The following SPTBN1 variants were observed in gnomAD, a reference collection of about 807,000 sequenced individuals.
SPTBN1 encodes spectrin beta chain, non-erythrocytic 1.
A neutral mutation model predicts 266.4 loss-of-function variants in SPTBN1; 32 were observed. The ratio of observed to expected loss-of-function variants is 0.12; its 90% confidence interval spans 0.09 to 0.16. The LOEUF (loss-of-function observed/expected upper bound fraction) is 0.16, where lower values mean the gene tolerates loss of function less well. Ranked by LOEUF, SPTBN1 falls within the 10% of genes least tolerant of loss-of-function variation. The pLI is 1.00. For synonymous variants in SPTBN1, 1,336 were observed against 1,162.2 expected, an observed-to-expected ratio of 1.15 and a Z score of -3.04; for missense variants, 2,296 against 3,067.1, an observed-to-expected ratio of 0.75 and a Z score of 5.94.
chr2:54,640,311 GA>G (rs1456382964), intron 18 of SPTBN1, among the ~76,000 whole-genome samples: 1 of 152,068 alleles, frequency 6.6e-6, no homozygotes, highest in Non-Finnish European at 1.5e-5. Flanking sequence ...AAGGTATGGG[GA>G]ATCCAGGGGT....
chr2:54,615,767 A>G (rs1012308835), intron 4 of SPTBN1, among the ~76,000 whole-genome samples: 1 of 152,208 alleles, frequency 6.6e-6, no homozygotes. Context: ...TTAAGCCCAC[A>G]CTTGCTCTAA....
rs146395425 is a variant in SPTBN1 at position 54,540,664 on chromosome 2, A to C, written c.148+14098A>C. The C allele has an allele frequency of 2.0e-5, 3 of 152,166 alleles. No homozygotes were observed. The highest frequency in any genetic ancestry group is 4.4e-5 in the Non-Finnish European group (3 of 68,038). 9.4% of individuals were successfully genotyped at this position (152,166 alleles called of 1,614,324 possible). ...CATCTCTAAAGAAACTATCTCCCCA[A>C]GGTTGGCCTGCAGTTTGCCTGTGTT... On this transcript the variant is annotated intron_variant, in intron 2 of 35. Coordinates refer to ENST00000356805, the MANE Select transcript of SPTBN1 (RefSeq NM_003128.3). This position sits in a 1 kb window ranked among gnomAD's most constrained non-coding sequence, Gnocchi z 5.6.
intron 24 of SPTBN1, 136 bp from the exon 25 acceptor site, chr2:54,648,850 A>C: frequency 2.4e-6 from 2 of 830,806 alleles, no homozygotes; most frequent in Non-Finnish European, 3.7e-6. Context: ...TTTCATGCTA[A>C]GTGGGTTAAC....
intron 2 of SPTBN1, among the ~76,000 whole-genome samples, chr2:54,572,218 C>T (rs772170010): frequency 6.6e-6 from 1 of 152,120 alleles, no homozygotes; most frequent in Non-Finnish European, 1.5e-5. Context: ...CTTTTTCCCC[C>T]CTTTCTTTTG....
intron 2 of SPTBN1, chr2:54,557,909 C>A (rs1573407355): frequency 1.0e-6 from 1 of 985,004 alleles, no homozygotes; most frequent in East Asian, 1.1e-4. Context: ...GCCGGGCCGC[C>A]GCCGCGTGGT....
chr2:54,557,330 G>A (rs1672941063), intron 2 of SPTBN1, among the ~76,000 whole-genome samples: 1 of 151,528 alleles, frequency 6.6e-6, no homozygotes, highest in Non-Finnish European at 1.5e-5. Context: ...ATTGCTGTAG[G>A]GCTCCAAACT....
chr2:54,545,724 A>G (rs1484416838), intron 2 of SPTBN1, among the ~76,000 whole-genome samples: 1 of 151,092 alleles, frequency 6.6e-6, no homozygotes, highest in Non-Finnish European at 1.5e-5. Flanking sequence ...ACTTTAGAGA[A>G]CTCCATCTAG....
chr2:54,537,466 A>G (rs117954422), intron 2 of SPTBN1, among the ~76,000 whole-genome samples: 1 of 152,344 alleles, frequency 6.6e-6, no homozygotes, highest in East Asian at 1.9e-4. Flanking sequence ...ATATGTACAG[A>G]ACACATCAGC....
At chr2:54,559,513 T>C (rs1673132525) in intron 2 of SPTBN1, among the ~76,000 whole-genome samples, 1 of 152,232 alleles carries the variant, frequency 6.6e-6, no homozygotes, top group Admixed American at 6.5e-5. Context: ...ATTACAGGTT[T>C]CTTGGAGTCT....
rs1673732262 is a variant in SPTBN1, at chr2:54,567,344, T to C, written c.149-31748T>C. Among the ~76,000 whole-genome samples the C allele has an allele frequency of 4.0e-5, 6 of 151,848 alleles. No individual in the cohort carries two copies. The South Asian group carries it at 1.2e-3, about 31-fold the overall frequency. On this transcript the variant is annotated intron_variant, in intron 2 of 35. Transcript: ENST00000356805. ...TACTGGAGGATTTTTATTTTATTTATTTATTTATTTATTTTTGGAAACAGG... is the reference window on the plus strand; with the variant it reads ...TACTGGAGGATTTTTATTTTATTTACTTATTTATTTATTTTTGGAAACAGG...
chr2:54,631,703 C>A, intron 16 of SPTBN1, 92 bp downstream of exon 16: 2 of 1,457,132 alleles, frequency 1.4e-6, no homozygotes, highest in Non-Finnish European at 1.8e-6. Flanking sequence ...GTTTAAACCA[C>A]ACCTGTATGG....
chr2:54,633,006 C>G (rs1274403479), intron 17 of SPTBN1, among the ~76,000 whole-genome samples: 2 of 152,150 alleles, frequency 1.3e-5, no homozygotes, highest in Non-Finnish European at 2.9e-5. Flanking sequence ...GCCTGAGAAG[C>G]CAAGCTAATT....
rs181331981 is a variant in SPTBN1, at chr2:54,467,742, T to C, written c.-48+11224T>C. Among the ~76,000 whole-genome samples the C allele has an allele frequency of 5.5e-3, 839 of 152,290 alleles. 6 individuals are homozygous for C. Among genetic ancestry groups the C allele is most frequent in the Non-Finnish European group, 0.01 (699 of 68,028 alleles). On this transcript the variant is annotated intron_variant, in intron 1 of 35. Coordinates refer to ENST00000356805, the MANE Select transcript of SPTBN1 (RefSeq NM_003128.3). Reference sequence around the variant, plus strand: ...AAAAATTAAAATAGTCTTTGTATTTTTACCACCTTAGAATCCCTGATTTTT... The same window carrying C: ...AAAAATTAAAATAGTCTTTGTATTTCTACCACCTTAGAATCCCTGATTTTT...
chr2:54,600,400 A>C (rs975872692), intron 3 of SPTBN1, among the ~76,000 whole-genome samples: 2 of 152,088 alleles, frequency 1.3e-5, no homozygotes, highest in African/African-American at 4.8e-5. Context: ...TTGTGGCCTC[A>C]TTTTCTGTGA....
At chr2:54,470,245 T>C (rs891540059) in intron 1 of SPTBN1, among the ~76,000 whole-genome samples, 3 of 126,620 alleles carry the variant, frequency 2.4e-5, no homozygotes, top group Non-Finnish European at 4.7e-5. Flanking sequence ...GAATTTTTTA[T>C]ATATATTTTT....
chr2:54,477,385 G>T (rs541599899), intron 1 of SPTBN1, among the ~76,000 whole-genome samples: 2 of 150,630 alleles, frequency 1.3e-5, no homozygotes, highest in East Asian at 3.9e-4. Context: ...CAGACTTTCG[G>T]ATTTGTGGCA....
At chr2:54,650,162 T>A (rs574554943) in intron 26 of SPTBN1, among the ~76,000 whole-genome samples, 173 bp downstream of exon 26, 14 of 152,356 alleles carry the variant, frequency 9.2e-5, no homozygotes, top group African/African-American at 3.4e-4. Context: ...TATCAGTCCA[T>A]AAAGGTCTAC....
intron 2 of SPTBN1, among the ~76,000 whole-genome samples, chr2:54,555,099 C>G (rs1218534276): frequency 1.3e-5 from 2 of 152,132 alleles, no homozygotes; most frequent in African/African-American, 4.8e-5. Context: ...GAGTCTCTCT[C>G]CTTAGATTTT....
chr2:54,483,992 C>T (rs1445968460), intron 1 of SPTBN1, among the ~76,000 whole-genome samples: 6 of 151,986 alleles, frequency 3.9e-5, no homozygotes, highest in East Asian at 1.9e-4. Context: ...CCCAGGGGTT[C>T]GAGACCAGCC....
Sources: gnomAD v4.1 joint callset for allele counts (sites outside exome capture counted in the v4.1 genomes callset) on GRCh38, gnomAD v4.1.1 for gene constraint, Gnocchi (gnomAD v3.1) non-coding constraint, MANE v1.5 for transcripts, NCBI Gene and HGNC (gene_info 2026-07-23, HGNC 2026-07-21) for gene names.